Variants in PTPRU observed in about 807,000 individuals in gnomAD.
The protein encoded by PTPRU is receptor-type tyrosine-protein phosphatase U.
PTPRU carries 69 observed loss-of-function variants against 166.3 expected under a neutral mutation model. That is an observed-to-expected ratio of 0.41 (90% CI 0.34 to 0.51). The LOEUF (loss-of-function observed/expected upper bound fraction) is 0.51, where lower values mean the gene tolerates loss of function less well. Among genes scored for constraint, PTPRU ranks in the 20% least tolerant of loss-of-function variants. The pLI is 0.09. For synonymous variants in PTPRU, 793 were observed against 814.0 expected (o/e 0.97, Z 0.44); for missense variants, 1,657 against 2,013.7 (o/e 0.82, Z 3.39).
rs1686654470 is a variant in PTPRU, at chr1:29,291,922, A to T, written c.2372A>T (p.His791Leu). 1 of 1,614,060 alleles carries T rather than the reference A, an allele frequency of 6.2e-7. No individual in the cohort carries two copies. The highest frequency in any genetic ancestry group is 1.7e-5 in the Admixed American group (1 of 60,004). ...GTCAACTACCGCCAGGAGAAGACACACATGATGAGCGCCGTGGACCGCAGC... is the reference window on the plus strand; with the variant it reads ...GTCAACTACCGCCAGGAGAAGACACTCATGATGAGCGCCGTGGACCGCAGC... ...ATVNYRQEKT[H>L]MMSAVDRSFT... Residue 791 changes from histidine to leucine, a missense_variant, in exon 15 of 30, where the codon CAC becomes CTC. Physicochemically the swap from His to Leu is moderately conservative, Grantham distance 99. Around this residue, in one of 3 missense-constraint regions of PTPRU, gnomAD observed 1,190 missense variants for 1,477.4 expected, o/e 0.81. Coordinates refer to ENST00000373779, the MANE Select transcript of PTPRU (RefSeq NM_133178.4). The surrounding 1 kb of genome is among the most constrained non-coding windows in gnomAD (Gnocchi z 4.1).
intron 7 of PTPRU, among the ~76,000 whole-genome samples, chr1:29,264,956 C>T (rs1685233401): frequency 6.6e-6 from 1 of 152,128 alleles, no homozygotes; most frequent in Non-Finnish European, 1.5e-5. Flanking sequence ...CTTTTTATTA[C>T]TTTTTATTCC....
chr1:29,321,361 C>G (rs1688153692), intron 26 of PTPRU, among the ~76,000 whole-genome samples: 1 of 152,098 alleles, frequency 6.6e-6, no homozygotes, highest in Non-Finnish European at 1.5e-5. Context: ...TTTATTGGCC[C>G]CCTGCTAAGC....
rs1391602512 is a variant in PTPRU at position 29,312,850 on chromosome 1, C to CAAAGGCCCTGTCCCCT, written c.3227+145_3227+160dup. 3 of 1,110,796 alleles carry CAAAGGCCCTGTCCCCT rather than the reference C, an allele frequency of 2.7e-6. No homozygotes were observed. The African/African-American group carries it at 4.7e-5, about 17-fold the overall frequency. The allele number at this position is 1,110,796 out of a possible 1,614,324, so 68.8% of individuals were successfully genotyped here. A position where few individuals can be genotyped will look rare whatever the true frequency, so the allele number is the denominator to read the frequency against. ...ATGGAGTGCAGGAGGGAACGACCCC[C>CAAAGGCCCTGTCCCCT]AAAGGCCCTGTCCCCTTTGGCCTTT... On this transcript the variant is annotated intron_variant, in intron 22 of 29. Transcript: ENST00000373779.
At chr1:29,296,970 T>C (rs1292232706) in intron 15 of PTPRU, among the ~76,000 whole-genome samples, 2 of 152,066 alleles carry the variant, frequency 1.3e-5, no homozygotes, top group Non-Finnish European at 2.9e-5. Context: ...CTCAGTGTTA[T>C]GCACTTATTA....
intron 28 of PTPRU, 99 bp from the exon 29 acceptor site, chr1:29,325,091 TC>T: frequency 3.4e-6 from 5 of 1,486,608 alleles, no homozygotes; most frequent in Non-Finnish European, 4.6e-6. Context: ...GCTCCGTCCC[TC>T]TCCTCTAGGC....
At chr1:29,262,342 C>T (rs2151946211) in intron 7 of PTPRU, among the ~76,000 whole-genome samples, 1 of 152,268 alleles carries the variant, frequency 6.6e-6, no homozygotes, top group Non-Finnish European at 1.5e-5. Context: ...CAATTCAATC[C>T]TTAAAATGTA....
Position 29,282,831 on chromosome 1 carries a change from C to T in PTPRU, c.2024C>T (p.Pro675Leu), listed in dbSNP as rs1386342627. The change falls in exon 12 of 30, where the codon CCT becomes CTT. Residue 675 changes from proline to leucine, a missense_variant. Transcript: ENST00000373779. ...FGAELAASSL[P>L]EAMPFTVGDN... ...GCCGAACTGGCGGCCAGCAGTCTAC[C>T]TGAGGCCATGCCCTTTACCGTGGGT... 3.1e-6 allele frequency: 5 copies of T among 1,614,040 alleles called. No individual in the cohort carries two copies. The highest frequency in any genetic ancestry group is 4.2e-6 in the Non-Finnish European group (5 of 1,180,016).
At chr1:29,297,077 A>AG (rs1686921180) in intron 15 of PTPRU, among the ~76,000 whole-genome samples, 1 of 136,476 alleles carries the variant, frequency 7.3e-6, no homozygotes, top group Admixed American at 7.5e-5. Flanking sequence ...TTTTTGAAAC[A>AG]GGGTCTCACT....
Position 29,325,085 on chromosome 1 carries a change from C to A in PTPRU, c.4113-106C>A, listed in dbSNP as rs1688345202. The A allele has an allele frequency of 2.8e-6, 4 of 1,448,276 alleles. No homozygotes were observed. The South Asian group carries it at 5.1e-5, about 19-fold the overall frequency. The allele number at this position is 1,448,276 out of a possible 1,614,324, so 89.7% of individuals were successfully genotyped here. ...CCCACCCTTCTAGATTCCCTAGCTC[C>A]GTCCCTCTCCTCTAGGCTCTCTGCC... On this transcript the variant is annotated intron_variant, in intron 28 of 29. Transcript: ENST00000373779.
At chr1:29,267,892 A>T (rs914353711) in intron 7 of PTPRU, among the ~76,000 whole-genome samples, 1 of 152,190 alleles carries the variant, frequency 6.6e-6, no homozygotes, top group Non-Finnish European at 1.5e-5. Context: ...GATGGCTGGG[A>T]GCCGAGTGGA....
chr1:29,291,881 C>T lies in PTPRU; in HGVS notation c.2331C>T (p.Asn777=), dbSNP rs746799427. The T allele has an allele frequency of 6.2e-7, 1 of 1,613,996 alleles. No homozygotes were observed. The highest frequency in any genetic ancestry group is 2.2e-5 in the East Asian group (1 of 44,872). ...CCCCCCTCTCCAGGAAGCCGGTGAACATGACCAAGGCCACCGTCAACTACC... is the reference window on the plus strand; with the variant it reads ...CCCCCCTCTCCAGGAAGCCGGTGAATATGACCAAGGCCACCGTCAACTACC... ...IVIIRKGKPV[N]MTKATVNYRQ... is the part of the protein sequence containing the mutation. Residue 777 remains asparagine, a synonymous_variant, in exon 15 of 30, where the codon AAC becomes AAT. Transcript: ENST00000373779. This position sits in a 1 kb window ranked among gnomAD's most constrained non-coding sequence, Gnocchi z 4.1.
Position 29,292,016 on chromosome 1 carries a change from C to T in PTPRU, c.2466C>T (p.Tyr822=). The T allele has an allele frequency of 1.2e-6, 2 of 1,614,102 alleles. No homozygotes were observed. The highest frequency in any genetic ancestry group is 8.5e-7 in the Non-Finnish European group (1 of 1,179,998). ...TGTCCTTCATGGACACCCATGGCTA[C>T]AGCACCCGGGGTGAGTGCCCGGCCC... is the stretch of plus-strand genomic sequence containing the variant. ...LGLSFMDTHG[Y]STRGDQRSGG... Residue 822 remains tyrosine, a synonymous_variant, in exon 15 of 30, where the codon TAC becomes TAT. Transcript: ENST00000373779.
rs1005252967 is a variant in PTPRU at position 29,317,592 on chromosome 1, G to A, written c.3514-156G>A. Among the ~76,000 whole-genome samples, 2 of 152,156 alleles carry A rather than the reference G, an allele frequency of 1.3e-5. No homozygotes were observed. Among genetic ancestry groups the A allele is most frequent in the African/African-American group, 4.8e-5 (2 of 41,432 alleles). Reference sequence around the variant, plus strand: ...GGCCCTATAATGGCCTAGAGACAGGGAGTCTGGCTCCGTGCCCTGTACCCT... The same window carrying A: ...GGCCCTATAATGGCCTAGAGACAGGAAGTCTGGCTCCGTGCCCTGTACCCT... On this transcript the variant is annotated intron_variant, in intron 24 of 29. Transcript: ENST00000373779. This position sits in a 1 kb window ranked among gnomAD's most constrained non-coding sequence, Gnocchi z 5.6.
At chr1:29,316,812 G>A (rs1339781873) in intron 24 of PTPRU, among the ~76,000 whole-genome samples, 1 of 152,208 alleles carries the variant, frequency 6.6e-6, no homozygotes, top group African/African-American at 2.4e-5. Flanking sequence ...ACCAGTCACA[G>A]GTTGGAGAGG....
chr1:29,284,707 C>T (rs1394320251), intron 13 of PTPRU, 24 bp from the exon 14 acceptor site: 2 of 1,613,898 alleles, frequency 1.2e-6, no homozygotes, highest in African/African-American at 2.7e-5. Flanking sequence ...CCTCTGATCC[C>T]TTGTTCTGCT....
chr1:29,240,933 G>A (rs1684025009), intron 1 of PTPRU, among the ~76,000 whole-genome samples: 1 of 152,228 alleles, frequency 6.6e-6, no homozygotes, highest in Admixed American at 6.5e-5. Context: ...CCGGAGGGAA[G>A]GGAGGAGAAC....
In PTPRU at chr1:29,260,626, C is replaced by T. The variant is rs1685013307; in HGVS notation, c.867C>T (p.Ile289=). ...TCCTCGCAGAGCCCCCAACTCCCATCGCGCCCCCACAGCTGCTGCGTGCTG... is the reference window on the plus strand; with the variant it reads ...TCCTCGCAGAGCCCCCAACTCCCATTGCGCCCCCACAGCTGCTGCGTGCTG... ...ELIVKEPPTP[I]APPQLLRAGP... The change falls in exon 7 of 30, where the codon ATC becomes ATT. Residue 289 remains isoleucine, a synonymous_variant. Transcript: ENST00000373779. This position sits in a 1 kb window ranked among gnomAD's most constrained non-coding sequence, Gnocchi z 8.3. 1.3e-6 allele frequency: 2 copies of T among 1,500,938 alleles called. No homozygotes were observed. Among genetic ancestry groups the T allele is most frequent in the Non-Finnish European group, 1.8e-6 (2 of 1,123,072 alleles). The allele number at this position is 1,500,938 out of a possible 1,614,324, so 93.0% of individuals were successfully genotyped here.
chr1:29,266,124 G>A (rs1685295186), intron 7 of PTPRU, among the ~76,000 whole-genome samples: 3 of 144,276 alleles, frequency 2.1e-5, no homozygotes, highest in South Asian at 2.3e-4. Flanking sequence ...GGGCTCAAGT[G>A]ATTCTCCTGC....
Position 29,317,981 on chromosome 1 carries a change from T to C in PTPRU, c.3687+60T>C. ...CCCTTCCCAGCAGCATCAGGGAAGG[T>C]CCAGGGGCCACGGGAACAAAGCTGA... On this transcript the variant is annotated intron_variant, in intron 25 of 29. Transcript: ENST00000373779. This position sits in a 1 kb window ranked among gnomAD's most constrained non-coding sequence, Gnocchi z 5.6. 6.3e-7 allele frequency: 1 copy of C among 1,581,210 alleles called. No homozygotes were observed. Among genetic ancestry groups the C allele is most frequent in the Non-Finnish European group, 8.6e-7 (1 of 1,159,334 alleles).
Sources: gnomAD v4.1 joint callset for allele counts (sites outside exome capture counted in the v4.1 genomes callset) on GRCh38, gnomAD v4.1.1 for gene constraint, gnomAD v4.1.1 regional missense constraint, Gnocchi (gnomAD v3.1) non-coding constraint, MANE v1.5 for transcripts, NCBI Gene and HGNC (gene_info 2026-07-23, HGNC 2026-07-21) for gene names.